CAMK1D: variants seen among roughly 807,000 people sequenced by gnomAD.
CAMK1D encodes the protein calcium/calmodulin dependent protein kinase ID.
Under a neutral mutation model 47.7 loss-of-function variants are expected in CAMK1D, and 9 were observed. That is an observed-to-expected ratio of 0.19 (90% CI 0.11 to 0.33). CAMK1D has a LOEUF of 0.33. Among genes scored for constraint, CAMK1D ranks in the 10% least tolerant of loss-of-function variants. CAMK1D has a pLI of 1.00. For missense variants in CAMK1D, 291 were observed against 488.7 expected (o/e 0.60, Z 3.81); for synonymous variants, 184 against 184.9 (o/e 0.99, Z 0.04).
chr10:12,591,814 C>T (rs1289365178), intron 2 of CAMK1D, among the ~76,000 whole-genome samples: 1 of 152,212 alleles, frequency 6.6e-6, no homozygotes, highest in African/African-American at 2.4e-5. Flanking sequence ...CTGCCTCAGC[C>T]TCCCAAGTAG....
intron 1 of CAMK1D, among the ~76,000 whole-genome samples, chr10:12,551,683 A>G (rs1836586473): frequency 1.3e-5 from 2 of 151,884 alleles, no homozygotes; most frequent in Admixed American, 1.3e-4. Flanking sequence ...GGTTGCAGTG[A>G]GCCGAGATCA....
chr10:12,718,741 C>T (rs548067670), intron 3 of CAMK1D, among the ~76,000 whole-genome samples: 6 of 152,320 alleles, frequency 3.9e-5, no homozygotes, highest in South Asian at 4.1e-4. Flanking sequence ...TTAGAATCTT[C>T]GTTGGCTCTT....
At chr10:12,745,512 T>C (rs1165310398) in intron 3 of CAMK1D, among the ~76,000 whole-genome samples, 1 of 152,216 alleles carries the variant, frequency 6.6e-6, no homozygotes, top group African/African-American at 2.4e-5. Flanking sequence ...CTATCTAAGG[T>C]CACTTACATG....
chr10:12,385,153 G>A (rs1838452493), intron 1 of CAMK1D, among the ~76,000 whole-genome samples: 1 of 152,226 alleles, frequency 6.6e-6, no homozygotes, highest in Admixed American at 6.5e-5. Flanking sequence ...GGCTGCTGGT[G>A]TGGATGTAAA....
intron 1 of CAMK1D, among the ~76,000 whole-genome samples, chr10:12,406,563 C>G (rs1564319365): frequency 6.6e-6 from 1 of 151,124 alleles, no homozygotes; most frequent in Admixed American, 6.6e-5. Flanking sequence ...AAAACAAACC[C>G]TCCACAAAAA....
At chr10:12,616,387 C>T (rs537900416) in intron 2 of CAMK1D, among the ~76,000 whole-genome samples, 1 of 152,332 alleles carries the variant, frequency 6.6e-6, no homozygotes, top group Admixed American at 6.5e-5. Context: ...GTTCTAAACC[C>T]TTTACATGAA....
intron 2 of CAMK1D, among the ~76,000 whole-genome samples, chr10:12,568,126 TTCCC>T (rs1385644745): frequency 1.8e-4 from 23 of 125,552 alleles, no homozygotes; most frequent in African/African-American, 6.1e-4. Context: ...CCTGCCCTCC[TTCCC>T]TCCCTCCCTC....
In CAMK1D at chr10:12,452,091, T is replaced by C. The variant is rs140195646; in HGVS notation, c.93-101134T>C. On this transcript the variant is annotated intron_variant, in intron 1 of 10. Transcript: ENST00000619168. ...AGTCTCGTGGAGCAGGCGAGTCAGG[T>C]GGGCGATGTTTGCGGATCCCTTTGC... Among the ~76,000 whole-genome samples, 43 of 152,240 alleles carry C rather than the reference T, an allele frequency of 2.8e-4. No individual in the cohort carries two copies. The East Asian group carries it at 7.3e-3, about 26-fold the overall frequency.
At chr10:12,706,837 G>A (rs1001743458) in intron 3 of CAMK1D, among the ~76,000 whole-genome samples, 8 of 152,142 alleles carry the variant, frequency 5.3e-5, no homozygotes, top group Non-Finnish European at 8.8e-5. Flanking sequence ...TCTGCTTTGT[G>A]CTGTGCTCTT....
intron 3 of CAMK1D, among the ~76,000 whole-genome samples, chr10:12,716,189 A>G (rs1834128133): frequency 6.6e-6 from 1 of 152,138 alleles, no homozygotes; most frequent in Non-Finnish European, 1.5e-5. Context: ...GAAATCCCTT[A>G]GACCAGGGAC....
At chr10:12,787,399 C>T (rs368098092) in intron 5 of CAMK1D, among the ~76,000 whole-genome samples, 5 of 152,146 alleles carry the variant, frequency 3.3e-5, no homozygotes, top group East Asian at 1.9e-4. Flanking sequence ...ATGATGAAGA[C>T]GGGGAGGAGG....
At chr10:12,362,533 C>T (rs544460148) in intron 1 of CAMK1D, among the ~76,000 whole-genome samples, 9 of 152,080 alleles carry the variant, frequency 5.9e-5, no homozygotes, top group Non-Finnish European at 1.2e-4. Context: ...AGTCTCGCCC[C>T]GTCCCCCAGG....
At chr10:12,777,521 C>T (rs997014073) in intron 5 of CAMK1D, among the ~76,000 whole-genome samples, 9 of 151,938 alleles carry the variant, frequency 5.9e-5, no homozygotes, top group South Asian at 4.2e-4. Flanking sequence ...TACAGGCATG[C>T]GCCACCATGC....
chr10:12,484,523 T>A (rs916707395), intron 1 of CAMK1D, among the ~76,000 whole-genome samples: 12 of 152,286 alleles, frequency 7.9e-5, no homozygotes, highest in Admixed American at 2.6e-4. Context: ...AGAGCAGAAG[T>A]TCTTGGAAAC....
intron 1 of CAMK1D, among the ~76,000 whole-genome samples, chr10:12,421,399 C>T (rs75838733): frequency 0.011 from 1,742 of 152,072 alleles, 28 homozygotes; most frequent in African/African-American, 0.04. Context: ...GTTCCCTAGC[C>T]GCAGTATAGC....
At position 12,744,174 on chromosome 10, in the gene CAMK1D, A is replaced by C. The variant is rs142983844; in HGVS notation, c.300-16774A>C. ...TTGTATCAGTACTGCGTTTCTTTTT[A>C]TGGCTAAAATATTCCGTATATGGAT... On this transcript the variant is annotated intron_variant, in intron 3 of 10. Coordinates refer to ENST00000619168, the MANE Select transcript of CAMK1D (RefSeq NM_153498.4). Among the ~76,000 whole-genome samples the C allele has an allele frequency of 7.9e-5, 12 of 152,034 alleles. 1 individual carries two copies. The East Asian group carries it at 1.7e-3, about 22-fold the overall frequency.
chr10:12,680,572 T>G (rs1389072693), intron 3 of CAMK1D, among the ~76,000 whole-genome samples: 3 of 152,188 alleles, frequency 2.0e-5, no homozygotes, highest in Non-Finnish European at 4.4e-5. Flanking sequence ...ATCTCATCTC[T>G]TTGAATCCTT....
chr10:12,533,626 C>T (rs1324951417), intron 1 of CAMK1D, among the ~76,000 whole-genome samples: 1 of 152,146 alleles, frequency 6.6e-6, no homozygotes, highest in Admixed American at 6.5e-5. Flanking sequence ...CTGCCTCCCT[C>T]TACTCTTGAA....
intron 2 of CAMK1D, among the ~76,000 whole-genome samples, chr10:12,616,055 G>A (rs1306892409): frequency 6.6e-6 from 1 of 151,192 alleles, no homozygotes; most frequent in African/African-American, 2.4e-5. Context: ...GCACGTGTTG[G>A]TTTATGATAG....
Sources: gnomAD v4.1 joint callset for allele counts (sites outside exome capture counted in the v4.1 genomes callset) on GRCh38, gnomAD v4.1.1 for gene constraint, MANE v1.5 for transcripts, NCBI Gene and HGNC (gene_info 2026-07-23, HGNC 2026-07-21) for gene names.